Variants in NINL observed in about 807,000 individuals in gnomAD.
NINL encodes ninein like, also known as ninein-like protein.
Under a neutral mutation model 160.3 loss-of-function variants are expected in NINL, and 153 were observed. The ratio of observed to expected loss-of-function variants is 0.95; its 90% CI spans 0.84 to 1.09. NINL has a LOEUF of 1.09. NINL is among the 50% of genes least tolerant of loss of function. The probability of loss-of-function intolerance (pLI) is 0.00; values close to 1 mark genes in which losing one functional copy is unlikely to be tolerated. For synonymous variants in NINL, 800 were observed against 734.8 expected, an observed-to-expected ratio of 1.09 and a Z score of -1.43; for missense variants, 1,829 against 1,764.0, an observed-to-expected ratio of 1.04 and a Z score of -0.66.
chr20:25,571,867 GAAAAAAAAAAAAAAAA>G (rs10536325), intron 1 of NINL, among the ~76,000 whole-genome samples: 2 of 41,550 alleles, frequency 4.8e-5, no homozygotes, highest in Non-Finnish European at 9.0e-5. Flanking sequence ...GACTCTGTCT[GAAAAAAAAAAAAAAAA>G]AAAAAAAAAA....
chr20:25,463,554 G>A (rs144502568), intron 19 of NINL, among the ~76,000 whole-genome samples: 2 of 152,336 alleles, frequency 1.3e-5, no homozygotes, highest in East Asian at 1.9e-4. Context: ...GTGGCCCTGC[G>A]GTCTGGACCA....
At chr20:25,488,519 C>T (rs1031196627) in intron 13 of NINL, among the ~76,000 whole-genome samples, 1 of 152,038 alleles carries the variant, frequency 6.6e-6, no homozygotes, top group South Asian at 2.1e-4. Flanking sequence ...CCACCGCACC[C>T]GGCCTCCTTC....
intron 1 of NINL, 148 bp from the exon 2 acceptor site, chr20:25,526,746 C>A: frequency 1.3e-6 from 1 of 746,734 alleles, no homozygotes; most frequent in Non-Finnish European, 2.1e-6. Flanking sequence ...CTTGCAGGGC[C>A]AAGCACACAG....
At chr20:25,467,226 G>A (rs1177111716) in intron 19 of NINL, among the ~76,000 whole-genome samples, 163 bp downstream of exon 19, 1 of 152,206 alleles carries the variant, frequency 6.6e-6, no homozygotes, top group Non-Finnish European at 1.5e-5. Flanking sequence ...TCACAGCCGT[G>A]TTTAGTGTCT....
chr20:25,541,928 G>T (rs1477868072), intron 1 of NINL, among the ~76,000 whole-genome samples: 1 of 152,194 alleles, frequency 6.6e-6, no homozygotes, highest in Non-Finnish European at 1.5e-5. Context: ...AAGCTCTAGG[G>T]GGTCAGACGT....
intron 8 of NINL, chr20:25,498,973 G>A (rs114374606): frequency 5.1e-6 from 5 of 985,456 alleles, no homozygotes; most frequent in African/African-American, 1.7e-5. Context: ...TCAAGGGAGC[G>A]GCAGCTAACG....
intron 17 of NINL, among the ~76,000 whole-genome samples, chr20:25,471,911 C>A (rs555836513): frequency 7.7e-4 from 117 of 152,248 alleles, no homozygotes; most frequent in African/African-American, 2.8e-3. Flanking sequence ...GCAAAGCCAC[C>A]CATAAATGAC....
At chr20:25,575,225 G>A (rs2065100662) in intron 1 of NINL, among the ~76,000 whole-genome samples, 1 of 151,874 alleles carries the variant, frequency 6.6e-6, no homozygotes, top group Non-Finnish European at 1.5e-5. Flanking sequence ...GAGGCGGGCG[G>A]ATCATGAGGT....
In NINL at chr20:25,528,381, G is replaced by A. The variant is rs151055521; in HGVS notation, c.-11-1783C>T. 1.7e-3 allele frequency among the ~76,000 whole-genome samples: 256 copies of A among 152,126 alleles called. 3 individuals are homozygous for A. Among genetic ancestry groups the A allele is most frequent in the African/African-American group, 5.8e-3 (240 of 41,508 alleles). On this transcript the variant is annotated intron_variant, in intron 1 of 23. Coordinates refer to ENST00000278886, the MANE Select transcript of NINL (RefSeq NM_025176.6). ...ATTTAATAGAATGGGCAGTGTAGAAGAATAAAAACTTTATAATAATAGTAA... is the reference window on the plus strand; with the variant it reads ...ATTTAATAGAATGGGCAGTGTAGAAAAATAAAAACTTTATAATAATAGTAA...
chr20:25,546,546 A>C (rs1005176970), intron 1 of NINL, among the ~76,000 whole-genome samples: 3 of 152,212 alleles, frequency 2.0e-5, no homozygotes, highest in Non-Finnish European at 4.4e-5. Context: ...AGGAAAGAAT[A>C]AAATCAGAAG....
intron 1 of NINL, among the ~76,000 whole-genome samples, chr20:25,529,234 T>C (rs1600282750): frequency 6.6e-6 from 1 of 152,004 alleles, no homozygotes; most frequent in African/African-American, 2.4e-5. Flanking sequence ...GATCACACCA[T>C]TGCACTCTAG....
intron 8 of NINL, 130 bp downstream of exon 8, chr20:25,500,710 C>T (rs576324429): frequency 5.3e-5 from 44 of 834,208 alleles, no homozygotes; most frequent in Non-Finnish European, 7.4e-5. Context: ...GACTTCCTTG[C>T]ATGGCATTCT....
chr20:25,496,624 G>T (rs767920988), intron 10 of NINL, 39 bp downstream of exon 10: 27 of 1,608,910 alleles, frequency 1.7e-5, no homozygotes, highest in Non-Finnish European at 2.2e-5. Context: ...GGGCTGGGGA[G>T]GCCCAGGTAA....
At chr20:25,481,301 G>A (rs1275986339) in intron 14 of NINL, among the ~76,000 whole-genome samples, 1 of 152,126 alleles carries the variant, frequency 6.6e-6, no homozygotes, top group Non-Finnish European at 1.5e-5. Flanking sequence ...CATGTGCATT[G>A]TATGCTGCTA....
chr20:25,526,612 A>G lies in NINL; in HGVS notation c.-11-14T>C, dbSNP rs1568943397. On this transcript the variant is annotated splice_polypyrimidine_tract_variant and intron_variant, in intron 1 of 23. Transcript: ENST00000278886. ...TCCCATAGCAGGCTGGCAGTGTGCA[A>G]GGGAAGAAGAAAACATCAGGACACT... The G allele has an allele frequency of 6.2e-7, 1 of 1,605,516 alleles. No homozygotes were observed. Among genetic ancestry groups the G allele is most frequent in the Admixed American group, 1.7e-5 (1 of 59,744 alleles).
chr20:25,489,356 G>T, intron 12 of NINL, 32 bp from the exon 13 acceptor site: 1 of 1,599,694 alleles, frequency 6.3e-7, no homozygotes, highest in Non-Finnish European at 8.5e-7. Flanking sequence ...AGTCACGGGT[G>T]GGCCTCGGGC....
intron 1 of NINL, among the ~76,000 whole-genome samples, chr20:25,552,608 G>A (rs1047656412): frequency 1.3e-5 from 2 of 152,174 alleles, no homozygotes; most frequent in Admixed American, 6.5e-5. Context: ...TCTAAATCAC[G>A]GAGGGGCCAC....
intron 5 of NINL, among the ~76,000 whole-genome samples, chr20:25,508,971 A>T (rs1279353356): frequency 6.6e-6 from 1 of 152,016 alleles, no homozygotes; most frequent in East Asian, 1.9e-4. Context: ...CAGCCTGCCC[A>T]TGTGAGGCAG....
intron 10 of NINL, among the ~76,000 whole-genome samples, chr20:25,492,892 A>G (rs1388194857): frequency 1.3e-5 from 2 of 152,236 alleles, no homozygotes; most frequent in Non-Finnish European, 2.9e-5. Context: ...TGCAATAAAC[A>G]TGTATCACTC....
Sources: gnomAD v4.1 joint callset for allele counts (sites outside exome capture counted in the v4.1 genomes callset) on GRCh38, gnomAD v4.1.1 for gene constraint, MANE v1.5 for transcripts, NCBI Gene and HGNC (gene_info 2026-07-23, HGNC 2026-07-21) for gene names.